EMCN: variants seen among roughly 807,000 people sequenced by gnomAD.
EMCN encodes endomucin, also known as MUC-14.
In EMCN, 37 loss-of-function variants were observed where a neutral mutation model predicts 38.4. The observed-to-expected ratio is 0.96, with a 90% CI of 0.74 to 1.27. The LOEUF (loss-of-function observed/expected upper bound fraction) is 1.27, where lower values mean the gene tolerates loss of function less well. Among genes scored for constraint, EMCN ranks in the 50% most tolerant of loss-of-function variants. The pLI is 0.00. For missense variants in EMCN, 318 were observed against 302.8 expected (o/e 1.05, Z -0.37); for synonymous variants, 95 against 100.8 (o/e 0.94, Z 0.35).
At position 100,396,052 on chromosome 4, in the gene EMCN, T is replaced by A. The variant is rs117130038; in HGVS notation, c.*2361A>T. The stretch of plus-strand genomic sequence containing the variant: ...CAGTAAGCCAGGCATAAAAAGTAGA[T>A]CATCTAAATCAGATAATTAAAACAT... On this transcript the variant is annotated 3_prime_UTR_variant, in exon 12 of 12. Coordinates refer to ENST00000296420, the MANE Select transcript of EMCN (RefSeq NM_016242.4). 2.5e-4 allele frequency: 38 copies of A among 152,282 alleles called. No homozygotes were observed. In the East Asian group the frequency reaches 6.0e-3, roughly 24 times the overall value. 9.4% of individuals were successfully genotyped at this position (152,282 alleles called of 1,614,324 possible).
At chr4:100,489,159 C>T (rs1234923149) in intron 1 of EMCN, among the ~76,000 whole-genome samples, 1 of 151,414 alleles carries the variant, frequency 6.6e-6, no homozygotes, top group Non-Finnish European at 1.5e-5. Flanking sequence ...CTAGTCTCAG[C>T]TTCCATGTTC....
chr4:100,484,984 G>C (rs945044041), intron 1 of EMCN, among the ~76,000 whole-genome samples: 3 of 152,030 alleles, frequency 2.0e-5, no homozygotes, highest in Non-Finnish European at 4.4e-5. Flanking sequence ...TTATCTCTGA[G>C]AACATATTTA....
intron 1 of EMCN, among the ~76,000 whole-genome samples, chr4:100,495,416 G>A (rs1425606782): frequency 1.3e-5 from 2 of 152,020 alleles, no homozygotes; most frequent in African/African-American, 2.4e-5. Context: ...TATGGAATAA[G>A]TACTTCAATG....
intron 2 of EMCN, among the ~76,000 whole-genome samples, chr4:100,475,658 C>CATTTTTTTTTT (rs1728617733): frequency 4.6e-5 from 5 of 108,092 alleles, no homozygotes; most frequent in African/African-American, 7.4e-5. Flanking sequence ...CAATTCTAGT[C>CATTTTTTTTTT]CTTTTTTTTT....
At chr4:100,402,555 G>T (rs921026755) in intron 11 of EMCN, among the ~76,000 whole-genome samples, 1 of 152,074 alleles carries the variant, frequency 6.6e-6, no homozygotes, top group Non-Finnish European at 1.5e-5. Context: ...ACAGACAATA[G>T]AATTGAACAG....
chr4:100,453,557 CT>C (rs1287870434), intron 4 of EMCN, among the ~76,000 whole-genome samples: 1 of 151,508 alleles, frequency 6.6e-6, no homozygotes, highest in Non-Finnish European at 1.5e-5. Flanking sequence ...AATAGGAACA[CT>C]TTTACACTGT....
chr4:100,434,249 G>T (rs1727285310), intron 5 of EMCN, among the ~76,000 whole-genome samples: 1 of 152,052 alleles, frequency 6.6e-6, no homozygotes, highest in African/African-American at 2.4e-5. Flanking sequence ...ACACCTCTGT[G>T]CACATAAGCT....
At chr4:100,421,232 T>C (rs1199326169) in intron 8 of EMCN, 50 bp downstream of exon 8, 2 of 1,434,288 alleles carry the variant, frequency 1.4e-6, no homozygotes, top group Non-Finnish European at 2.0e-6. Context: ...AAGTTTAAAC[T>C]GAGCATTCAT....
Position 100,419,673 on chromosome 4 carries a change from A to G in EMCN, c.664+1609T>C, listed in dbSNP as rs530362573. 2.1e-4 allele frequency among the ~76,000 whole-genome samples: 32 copies of G among 152,234 alleles called. No individual in the cohort carries two copies. The East Asian group carries it at 3.1e-3, about 15-fold the overall frequency. ...ATTTTCAGTAAAAGACAGGATTGGTAGGTAGTTCAGAAACTTAGAGAAATT... is the reference window on the plus strand; with the variant it reads ...ATTTTCAGTAAAAGACAGGATTGGTGGGTAGTTCAGAAACTTAGAGAAATT... On this transcript the variant is annotated intron_variant, in intron 8 of 11. Coordinates refer to ENST00000296420, the MANE Select transcript of EMCN (RefSeq NM_016242.4).
At chr4:100,450,774 A>T (rs1727818080) in intron 4 of EMCN, among the ~76,000 whole-genome samples, 1 of 151,952 alleles carries the variant, frequency 6.6e-6, no homozygotes, top group African/African-American at 2.4e-5. Flanking sequence ...TCTCAAAATA[A>T]GTTTCATAGA....
chr4:100,479,700 G>A (rs1560633397), intron 2 of EMCN, among the ~76,000 whole-genome samples: 2 of 151,940 alleles, frequency 1.3e-5, no homozygotes, highest in African/African-American at 4.8e-5. Context: ...TTCTCAAACA[G>A]GTTGTGATCC....
chr4:100,416,048 G>A (rs1237559168), intron 9 of EMCN, 89 bp from the exon 10 acceptor site: 1 of 746,466 alleles, frequency 1.3e-6, no homozygotes, highest in African/African-American at 1.8e-5. Flanking sequence ...GAATGACGAA[G>A]ATACATATGC....
At chr4:100,403,633 C>A (rs1280278428) in intron 11 of EMCN, among the ~76,000 whole-genome samples, 1 of 151,940 alleles carries the variant, frequency 6.6e-6, no homozygotes, top group Admixed American at 6.6e-5. Flanking sequence ...ATTTTAAGTT[C>A]TTTGAGAAAT....
At chr4:100,472,743 G>A (rs1353324797) in intron 3 of EMCN, among the ~76,000 whole-genome samples, 1 of 151,952 alleles carries the variant, frequency 6.6e-6, no homozygotes, top group Non-Finnish European at 1.5e-5. Flanking sequence ...CGAAGTAATA[G>A]TAATCAAGAG....
intron 2 of EMCN, 121 bp from the exon 3 acceptor site, chr4:100,475,230 C>A: frequency 2.6e-6 from 1 of 383,360 alleles, no homozygotes. Flanking sequence ...TTAATTTTTC[C>A]CATTTTCCAG....
At chr4:100,512,408 C>CT (rs2110312209) in intron 1 of EMCN, among the ~76,000 whole-genome samples, 1 of 152,234 alleles carries the variant, frequency 6.6e-6, no homozygotes, top group South Asian at 2.1e-4. Context: ...AGAGCTGCTT[C>CT]TATCAGTCAA....
chr4:100,453,277 C>G (rs1293286241), intron 4 of EMCN, among the ~76,000 whole-genome samples: 3 of 151,920 alleles, frequency 2.0e-5, no homozygotes, highest in Non-Finnish European at 4.4e-5. Flanking sequence ...ACTCATCTGA[C>G]AAAGGGCTAA....
intron 4 of EMCN, among the ~76,000 whole-genome samples, chr4:100,450,615 G>T (rs1727811090): frequency 6.6e-6 from 1 of 151,792 alleles, no homozygotes; most frequent in Admixed American, 6.6e-5. Flanking sequence ...ATATGGCATT[G>T]ACTGAGTCAT....
intron 1 of EMCN, 52 bp from the exon 2 acceptor site, chr4:100,480,091 A>G: frequency 6.7e-7 from 1 of 1,500,888 alleles, no homozygotes; most frequent in Non-Finnish European, 9.1e-7. Context: ...TTGCCAATTA[A>G]TAGACTAGTA....
Sources: allele counts gnomAD v4.1 joint callset (sites outside exome capture counted in the v4.1 genomes callset), GRCh38; gene constraint gnomAD v4.1.1; transcripts MANE v1.5; gene names NCBI Gene and HGNC (gene_info 2026-07-23, HGNC 2026-07-21).